Variants in CNTNAP2 observed in about 807,000 individuals in gnomAD.
CNTNAP2 encodes the protein contactin-associated protein-like 2.
CNTNAP2 carries 98 observed loss-of-function variants against 155.2 expected under a neutral mutation model. That is an observed-to-expected ratio of 0.63 (90% CI 0.54 to 0.75). CNTNAP2 has a LOEUF of 0.75. Ranked by LOEUF, CNTNAP2 falls within the 30% of genes least tolerant of loss-of-function variation. The pLI is 0.00. For synonymous variants in CNTNAP2, 651 were observed against 631.2 expected (o/e 1.03, Z -0.47); for missense variants, 1,727 against 1,688.1 (o/e 1.02, Z -0.40).
At chr7:146,320,426 T>C (rs980468376) in intron 1 of CNTNAP2, among the ~76,000 whole-genome samples, 9 of 152,174 alleles carry the variant, frequency 5.9e-5, no homozygotes, top group African/African-American at 2.2e-4. Context: ...AATTCATTAT[T>C]ATACTGAGGC....
chr7:147,329,906 A>G (rs532611036), intron 9 of CNTNAP2, among the ~76,000 whole-genome samples: 7 of 152,172 alleles, frequency 4.6e-5, no homozygotes, highest in Non-Finnish European at 5.9e-5. Context: ...TTCCCTTCTT[A>G]TGTAATGTTT....
chr7:148,286,999 C>T (rs1445473397), intron 21 of CNTNAP2, among the ~76,000 whole-genome samples: 1 of 152,200 alleles, frequency 6.6e-6, no homozygotes, highest in East Asian at 1.9e-4. Context: ...TGTGTAATGA[C>T]ACAGATCCAC....
intron 13 of CNTNAP2, among the ~76,000 whole-genome samples, chr7:147,805,412 T>G (rs1798074733): frequency 6.6e-6 from 1 of 152,196 alleles, no homozygotes; most frequent in Non-Finnish European, 1.5e-5. Context: ...TGGATGAGCT[T>G]TATTTCTTTA....
chr7:147,896,752 A>T (rs1270892089), intron 13 of CNTNAP2, among the ~76,000 whole-genome samples: 1 of 151,874 alleles, frequency 6.6e-6, no homozygotes, highest in Admixed American at 6.6e-5. Context: ...CAGCTGCATG[A>T]CTCTTAACTA....
chr7:148,130,600 T>A (rs1804811078), intron 16 of CNTNAP2, among the ~76,000 whole-genome samples: 1 of 152,206 alleles, frequency 6.6e-6, no homozygotes, highest in Non-Finnish European at 1.5e-5. Flanking sequence ...GCTTGGTAAG[T>A]GATTTACGGC....
intron 1 of CNTNAP2, among the ~76,000 whole-genome samples, chr7:146,419,644 A>G (rs180744161): frequency 2.4e-4 from 36 of 152,274 alleles, no homozygotes; most frequent in Middle Eastern, 3.4e-3. Context: ...AAGACCTACA[A>G]ATGGCAAAGA....
chr7:147,167,491 C>T (rs2116468113), intron 8 of CNTNAP2: 3 of 918,458 alleles, frequency 3.3e-6, no homozygotes, highest in Admixed American at 2.1e-5. Context: ...CTGGAGGTTG[C>T]CATGGACCCA....
chr7:146,365,022 T>G (rs1795135508), intron 1 of CNTNAP2, among the ~76,000 whole-genome samples: 1 of 152,234 alleles, frequency 6.6e-6, no homozygotes, highest in African/African-American at 2.4e-5. Context: ...AACTTTTAAA[T>G]TCCATAAGAA....
At chr7:146,788,654 T>G (rs940008155) in intron 2 of CNTNAP2, among the ~76,000 whole-genome samples, 5 of 152,080 alleles carry the variant, frequency 3.3e-5, no homozygotes, top group African/African-American at 1.2e-4. Flanking sequence ...GTATAAGCAC[T>G]TCTCATTGGT....
chr7:146,526,313 T>C (rs529358515), intron 1 of CNTNAP2, among the ~76,000 whole-genome samples: 3 of 152,166 alleles, frequency 2.0e-5, no homozygotes, highest in African/African-American at 7.2e-5. Context: ...ATCGAGTAAT[T>C]TATAAGGAAA....
At chr7:146,692,729 G>T (rs1173206496) in intron 1 of CNTNAP2, among the ~76,000 whole-genome samples, 1 of 152,008 alleles carries the variant, frequency 6.6e-6, no homozygotes, top group Non-Finnish European at 1.5e-5. Flanking sequence ...TGTTTTAATT[G>T]CAAAGTTTCT....
intron 18 of CNTNAP2, among the ~76,000 whole-genome samples, chr7:148,208,737 T>C (rs936561049): frequency 1.3e-5 from 2 of 152,208 alleles, no homozygotes; most frequent in Non-Finnish European, 2.9e-5. Context: ...AGAAGGTTTC[T>C]AGAATTTCCC....
chr7:148,381,462 T>TGAA (rs1314097243), intron 21 of CNTNAP2: 1 of 152,236 alleles, frequency 6.6e-6, no homozygotes, highest in Non-Finnish European at 1.5e-5. Context: ...AATCTTCTCC[T>TGAA]GAAGTCCAGC....
intron 1 of CNTNAP2, among the ~76,000 whole-genome samples, chr7:146,554,070 C>G (rs890424971): frequency 6.6e-6 from 1 of 152,134 alleles, no homozygotes; most frequent in African/African-American, 2.4e-5. Context: ...TGTATTAACA[C>G]CGATTCATAT....
At chr7:147,275,949 G>A (rs149771606) in intron 8 of CNTNAP2, among the ~76,000 whole-genome samples, 7 of 151,518 alleles carry the variant, frequency 4.6e-5, no homozygotes, top group African/African-American at 1.2e-4. Context: ...TTGTTTATGT[G>A]GTGAATCACA....
chr7:148,066,352 TC>T (rs1803262050), intron 15 of CNTNAP2, among the ~76,000 whole-genome samples: 1 of 152,236 alleles, frequency 6.6e-6, no homozygotes, highest in African/African-American at 2.4e-5. Flanking sequence ...AGGGAAGTTT[TC>T]CTCAATTATT....
intron 1 of CNTNAP2, among the ~76,000 whole-genome samples, chr7:146,732,551 A>G (rs1236740053): frequency 6.6e-6 from 1 of 152,128 alleles, no homozygotes; most frequent in Non-Finnish European, 1.5e-5. Flanking sequence ...GATAACTTCA[A>G]TGCATTTATA....
chr7:146,388,583 G>A (rs547853436), intron 1 of CNTNAP2, among the ~76,000 whole-genome samples: 64 of 152,112 alleles, frequency 4.2e-4, no homozygotes, highest in African/African-American at 1.5e-3. Flanking sequence ...ATCCCCTCAG[G>A]CATTTATCCT....
intron 11 of CNTNAP2, among the ~76,000 whole-genome samples, chr7:147,560,806 T>C (rs1458990694): frequency 6.8e-6 from 1 of 147,716 alleles, no homozygotes; most frequent in Non-Finnish European, 1.5e-5. Context: ...AAAGCTTGAA[T>C]CTAGTATGCT....
Sources: allele counts gnomAD v4.1 joint callset (sites outside exome capture counted in the v4.1 genomes callset), GRCh38; gene constraint gnomAD v4.1.1; transcripts MANE v1.5; gene names NCBI Gene and HGNC (gene_info 2026-07-23, HGNC 2026-07-21).